The following ADAMTSL1 variants were observed in gnomAD, a reference collection of about 807,000 sequenced individuals.
The protein encoded by ADAMTSL1 is ADAMTS-like protein 1.
ADAMTSL1 carries 126 observed loss-of-function variants against 201.8 expected under a neutral mutation model. The ratio of observed to expected loss-of-function variants is 0.62; its 90% CI spans 0.54 to 0.72. The LOEUF (loss-of-function observed/expected upper bound fraction) is 0.72. Ranked by LOEUF, ADAMTSL1 falls within the 30% of genes least tolerant of loss-of-function variation. The pLI, the probability that ADAMTSL1 is intolerant of heterozygous loss-of-function variation, is 0.00. For synonymous variants in ADAMTSL1, 1,121 were observed against 903.4 expected (o/e 1.24, Z -4.32); for missense variants, 2,679 against 2,277.8 (o/e 1.18, Z -3.59).
At chr9:18,320,595 C>T (rs947987446) in intron 2 of ADAMTSL1, among the ~76,000 whole-genome samples, 6 of 152,100 alleles carry the variant, frequency 3.9e-5, no homozygotes, top group African/African-American at 1.4e-4. Context: ...AGGGTAAATA[C>T]AAAAGACAGT....
At chr9:18,872,143 C>A (rs956781311) in intron 23 of ADAMTSL1, among the ~76,000 whole-genome samples, 2 of 133,034 alleles carry the variant, frequency 1.5e-5, no homozygotes, top group Admixed American at 1.5e-4. Flanking sequence ...CTGCCTGTAT[C>A]ATTCCTAAAT....
intron 19 of ADAMTSL1, among the ~76,000 whole-genome samples, chr9:18,793,470 T>C (rs1282238427): frequency 6.6e-6 from 1 of 152,170 alleles, no homozygotes; most frequent in African/African-American, 2.4e-5. Context: ...CAGACCTGAC[T>C]TCCAGGCTTA....
chr9:18,560,541 G>A (rs1300754046), intron 3 of ADAMTSL1, among the ~76,000 whole-genome samples: 1 of 152,146 alleles, frequency 6.6e-6, no homozygotes, highest in Non-Finnish European at 1.5e-5. Context: ...AGTTAGGGAG[G>A]AGTCCTTCAT....
chr9:18,182,573 G>A (rs1241085644), intron 2 of ADAMTSL1, among the ~76,000 whole-genome samples: 1 of 152,170 alleles, frequency 6.6e-6, no homozygotes, highest in Non-Finnish European at 1.5e-5. Flanking sequence ...GCCTGATGCT[G>A]GCCTGTAAGG....
At chr9:18,549,433 T>G (rs1238254290) in intron 3 of ADAMTSL1, among the ~76,000 whole-genome samples, 1 of 152,022 alleles carries the variant, frequency 6.6e-6, no homozygotes, top group Non-Finnish European at 1.5e-5. Context: ...GAGCATTAAC[T>G]ACCCATGGAC....
chr9:18,795,290 C>T, intron 19 of ADAMTSL1, 107 bp from the exon 20 acceptor site: 2 of 1,431,586 alleles, frequency 1.4e-6, no homozygotes, highest in Middle Eastern at 4.1e-4. Context: ...GTTGTTAAAA[C>T]AGGGTTCTGC....
At chr9:18,729,415 A>G (rs558360822) in intron 15 of ADAMTSL1, among the ~76,000 whole-genome samples, 320 of 152,340 alleles carry the variant, frequency 2.1e-3, no homozygotes, top group Non-Finnish European at 3.3e-3. Flanking sequence ...AAGAGCCACG[A>G]GAAGTCTGCA....
intron 2 of ADAMTSL1, among the ~76,000 whole-genome samples, chr9:18,408,486 GA>G (rs569314303): frequency 1.3e-4 from 19 of 150,418 alleles, no homozygotes; most frequent in South Asian, 6.3e-4. Context: ...CCCACCCACA[GA>G]AAAAAAAAGA....
At chr9:17,973,662 C>G (rs1313017519) in intron 1 of ADAMTSL1, among the ~76,000 whole-genome samples, 1 of 114,278 alleles carries the variant, frequency 8.8e-6, no homozygotes, top group Non-Finnish European at 1.9e-5. Flanking sequence ...TTTTTTGGTT[C>G]CATATGAAGT....
At chr9:17,960,566 T>C (rs1338209477) in intron 1 of ADAMTSL1, among the ~76,000 whole-genome samples, 1 of 152,216 alleles carries the variant, frequency 6.6e-6, no homozygotes, top group Non-Finnish European at 1.5e-5. Context: ...TCATTCATTG[T>C]ATAAATACCA....
intron 2 of ADAMTSL1, among the ~76,000 whole-genome samples, chr9:18,270,812 G>T (rs1394843087): frequency 1.3e-5 from 2 of 152,158 alleles, no homozygotes; most frequent in African/African-American, 4.8e-5. Flanking sequence ...GCCATTAGCT[G>T]GTTCTACCCA....
rs757046939 is a variant in ADAMTSL1 at position 18,684,791 on chromosome 9, A to G, written c.1565A>G (p.Glu522Gly). 2.0e-5 allele frequency: 33 copies of G among 1,611,412 alleles called. No homozygotes were observed. In the South Asian group the frequency reaches 3.6e-4, roughly 17 times the overall value. The change falls in exon 13 of 29, where the codon GAG becomes GGG. Residue 522 changes from glutamate (E) to glycine (G), a missense_variant. Transcript: ENST00000380548. ...QELEEGAAVS[E>G]EPSFIPEAWS... The stretch of plus-strand genomic sequence containing the variant: ...CTAGAAGAAGGAGCTGCTGTGTCAG[A>G]GGAGCCCTCGTAAGTTGTAAAAGCA...
chr9:18,483,783 T>C (rs931430312), intron 1 of ADAMTSL1, among the ~76,000 whole-genome samples: 1 of 152,118 alleles, frequency 6.6e-6, no homozygotes, highest in East Asian at 1.9e-4. Flanking sequence ...GCCGAGATTG[T>C]GCCACTGCAC....
intron 2 of ADAMTSL1, among the ~76,000 whole-genome samples, chr9:18,210,522 T>TATATATTAATTATATATG: frequency 1.5e-5 from 2 of 137,890 alleles, no homozygotes; most frequent in African/African-American, 2.5e-5. Flanking sequence ...TATTAATAAA[T>TATATATTAATTATATATG]ATATATATTA....
intron 13 of ADAMTSL1, among the ~76,000 whole-genome samples, chr9:18,700,319 T>G (rs2133296739): frequency 1.3e-5 from 2 of 152,286 alleles, no homozygotes; most frequent in Middle Eastern, 3.4e-3. Flanking sequence ...AACTTTTTTT[T>G]GACATCATTG....
chr9:18,382,028 G>C (rs74550171), intron 2 of ADAMTSL1, among the ~76,000 whole-genome samples: 2 of 152,232 alleles, frequency 1.3e-5, no homozygotes, highest in African/African-American at 4.8e-5. Flanking sequence ...GATTGCTTCT[G>C]CTTCTCCTGT....
intron 4 of ADAMTSL1, among the ~76,000 whole-genome samples, chr9:18,611,420 C>A (rs546038789): frequency 6.6e-6 from 1 of 152,224 alleles, no homozygotes; most frequent in African/African-American, 2.4e-5. Context: ...TCTGTATGCA[C>A]AAATGTCTAT....
intron 23 of ADAMTSL1, among the ~76,000 whole-genome samples, chr9:18,846,042 C>T (rs917210122): frequency 3.9e-5 from 6 of 152,138 alleles, no homozygotes; most frequent in African/African-American, 1.4e-4. Flanking sequence ...CTAATATGTG[C>T]CAAACAGTGT....
At chr9:18,452,019 T>C (rs1255449729) in intron 2 of ADAMTSL1, among the ~76,000 whole-genome samples, 4 of 152,178 alleles carry the variant, frequency 2.6e-5, no homozygotes, top group African/African-American at 7.2e-5. Context: ...CAAGCGATTC[T>C]CCTCCTTCCT....
Sources: allele counts gnomAD v4.1 joint callset (sites outside exome capture counted in the v4.1 genomes callset), GRCh38; gene constraint gnomAD v4.1.1; transcripts MANE v1.5; gene names NCBI Gene and HGNC (gene_info 2026-07-23, HGNC 2026-07-21).